Variants in INSC observed in about 807,000 individuals in gnomAD.
INSC encodes the protein protein inscuteable homolog.
A neutral mutation model predicts 58.6 loss-of-function variants in INSC; 67 were observed. The observed-to-expected ratio is 1.14, with a 90% CI of 0.94 to 1.40. INSC has a LOEUF of 1.40. Among genes scored for constraint, INSC ranks in the 40% most tolerant of loss-of-function variants. INSC has a pLI of 0.00. For synonymous variants in INSC, 262 were observed against 276.1 expected (o/e 0.95, Z 0.51); for missense variants, 714 against 692.0 (o/e 1.03, Z -0.36).
chr11:15,154,375 T>TA (rs1341560716), intron 2 of INSC, among the ~76,000 whole-genome samples: 2 of 152,258 alleles, frequency 1.3e-5, no homozygotes, highest in Non-Finnish European at 2.9e-5. Flanking sequence ...CTCATTTTTT[T>TA]AGTATAAAAT....
intron 7 of INSC, among the ~76,000 whole-genome samples, chr11:15,214,252 C>T (rs1361574389): frequency 1.3e-5 from 2 of 152,148 alleles, no homozygotes; most frequent in African/African-American, 4.8e-5. Context: ...GTGATTCCCA[C>T]TCATCATGTA....
At chr11:15,232,347 T>C (rs1201803656) in intron 9 of INSC, among the ~76,000 whole-genome samples, 2 of 152,202 alleles carry the variant, frequency 1.3e-5, no homozygotes, top group African/African-American at 2.4e-5. Flanking sequence ...GAGCGAGCCA[T>C]ATTTATTTTA....
intron 1 of INSC, among the ~76,000 whole-genome samples, chr11:15,116,796 T>TTTTC (rs138391525): frequency 2.3e-5 from 3 of 129,344 alleles, no homozygotes; most frequent in Admixed American, 1.7e-4. Context: ...CTTTCTTTTC[T>TTTTC]TTTCTTTCTT....
At position 15,200,864 on chromosome 11, in the gene INSC, A is replaced by G. The variant is rs1589961563; in HGVS notation, c.734A>G (p.Asp245Gly). The change falls in exon 7 of 13, where the codon GAC becomes GGC. Residue 245 changes from aspartate (D) to glycine (G), a missense_variant. Physicochemically the swap from Asp to Gly is moderately conservative, Grantham distance 94. Transcript: ENST00000379556. ...VVALFKVCRQ[D>G]SFRCLYPQAL... ...GCACTCTTCAAGGTTTGCCGGCAGG[A>G]CAGTTTCCGGTGCTTGTACCCCCAG... 6.2e-7 allele frequency: 1 copy of G among 1,613,940 alleles called. No individual in the cohort carries two copies. Among genetic ancestry groups the G allele is most frequent in the Non-Finnish European group, 8.5e-7 (1 of 1,179,998 alleles).
intron 1 of INSC, among the ~76,000 whole-genome samples, chr11:15,120,872 CTT>C (rs990096522): frequency 8.5e-5 from 13 of 152,110 alleles, no homozygotes; most frequent in South Asian, 6.2e-4. Flanking sequence ...ATGTATAAGA[CTT>C]ATATAAGAAA....
chr11:15,149,944 C>T (rs1325979924), intron 2 of INSC, among the ~76,000 whole-genome samples: 1 of 152,236 alleles, frequency 6.6e-6, no homozygotes, highest in Non-Finnish European at 1.5e-5. Context: ...GGCATGATTT[C>T]TAACTGATCT....
In INSC at chr11:15,232,041, G is replaced by A. The variant is rs532686556; in HGVS notation, c.1171-3561G>A. On this transcript the variant is annotated intron_variant, in intron 9 of 12. Transcript: ENST00000379556. ...ACATTTCTTCTCGAACCAGTGACAT[G>A]GGAGGTCCCCTGCTATCCTTGATCA... Among the ~76,000 whole-genome samples the A allele has an allele frequency of 3.9e-3, 587 of 152,310 alleles. 2 individuals carry two copies. The highest frequency in any genetic ancestry group is 0.013 in the African/African-American group (559 of 41,556).
intron 1 of INSC, among the ~76,000 whole-genome samples, chr11:15,120,681 G>T (rs1306178142): frequency 3.3e-5 from 5 of 152,132 alleles, no homozygotes; most frequent in Non-Finnish European, 7.4e-5. Flanking sequence ...TATGGAGTCT[G>T]GTCTGGATTG....
intron 7 of INSC, among the ~76,000 whole-genome samples, chr11:15,209,420 T>C (rs949084121): frequency 6.6e-6 from 1 of 152,232 alleles, no homozygotes; most frequent in Non-Finnish European, 1.5e-5. Flanking sequence ...CCTTGGAGCC[T>C]CTGCCTGTGC....
At chr11:15,250,249 T>C (rs1852636305), downstream of INSC, among the ~76,000 whole-genome samples, 1 of 152,200 alleles carries the variant, frequency 6.6e-6, no homozygotes, top group Non-Finnish European at 1.5e-5. Context: ...TTACTGTTGT[T>C]GACTTTGGAC....
At chr11:15,176,267 G>C (rs1481081395) in intron 3 of INSC, among the ~76,000 whole-genome samples, 181 bp downstream of exon 3, 5 of 152,008 alleles carry the variant, frequency 3.3e-5, no homozygotes, top group Non-Finnish European at 5.9e-5. Context: ...GGTGGACATT[G>C]TGCTAGGTGT....
chr11:15,199,681 C>A (rs1421581483), intron 6 of INSC, among the ~76,000 whole-genome samples: 1 of 152,142 alleles, frequency 6.6e-6, no homozygotes, highest in African/African-American at 2.4e-5. Context: ...GGAACCGGTA[C>A]AATGAGGTTA....
chr11:15,207,692 G>A (rs1850860563), intron 7 of INSC, among the ~76,000 whole-genome samples: 1 of 152,070 alleles, frequency 6.6e-6, no homozygotes, highest in South Asian at 2.1e-4. Flanking sequence ...GTTTTACAGG[G>A]GTCTGTCTCC....
At position 15,238,908 on chromosome 11, in the gene INSC, T is replaced by C. The variant is rs768220774; in HGVS notation, c.1238-11T>C. ...GGGGTAGGTACCAACTGTTCCTTGC[T>C]TCCTGCCTAGGGGTCCAGCTTATCA... On this transcript the variant is annotated splice_polypyrimidine_tract_variant and intron_variant, in intron 10 of 12. Coordinates refer to ENST00000379556, the MANE Select transcript of INSC (RefSeq NM_001042536.3). 6.2e-7 allele frequency: 1 copy of C among 1,612,446 alleles called. No individual in the cohort carries two copies. The highest frequency in any genetic ancestry group is 8.5e-7 in the Non-Finnish European group (1 of 1,178,936).
chr11:15,204,055 T>C (rs1161903537), intron 7 of INSC, among the ~76,000 whole-genome samples: 1 of 152,214 alleles, frequency 6.6e-6, no homozygotes, highest in East Asian at 1.9e-4. Flanking sequence ...TCTGGCCATC[T>C]ATAGAAAATT....
chr11:15,260,028 A>C, the INSC span, among the ~76,000 whole-genome samples: 1 of 152,176 alleles, frequency 6.6e-6, no homozygotes, highest in African/African-American at 2.4e-5. Flanking sequence ...AGTGAAGGCC[A>C]AATTGATAGA....
chr11:15,253,724 G>C, the INSC span, among the ~76,000 whole-genome samples: 1 of 152,002 alleles, frequency 6.6e-6, no homozygotes, highest in African/African-American at 2.4e-5. Flanking sequence ...CCCTGGATGA[G>C]ATTTACAGTT....
intron 1 of INSC, among the ~76,000 whole-genome samples, chr11:15,142,608 A>G (rs1020373732): frequency 1.3e-5 from 2 of 152,012 alleles, no homozygotes; most frequent in African/African-American, 2.4e-5. Context: ...CTGTCATTGC[A>G]GTTTTTGCAC....
chr11:15,260,183 GT>G, the INSC span, among the ~76,000 whole-genome samples: 14 of 151,416 alleles, frequency 9.2e-5, no homozygotes, highest in Admixed American at 4.6e-4. Flanking sequence ...TGTTTTTTTT[GT>G]TTTTTTTAAA....
Sources: allele counts gnomAD v4.1 joint callset (sites outside exome capture counted in the v4.1 genomes callset), GRCh38; gene constraint gnomAD v4.1.1; transcripts MANE v1.5; gene names NCBI Gene and HGNC (gene_info 2026-07-23, HGNC 2026-07-21).